KCNT2: variants seen among roughly 807,000 people sequenced by gnomAD.
KCNT2 encodes potassium channel subfamily T member 2.
A neutral mutation model predicts 153.8 loss-of-function variants in KCNT2; 67 were observed. That is an observed-to-expected ratio of 0.44 (90% CI 0.36 to 0.53). KCNT2 has a LOEUF of 0.53. KCNT2 is among the 20% of genes least tolerant of loss of function. The pLI is 0.00. For missense variants in KCNT2, 975 were observed against 1,354.8 expected, an observed-to-expected ratio of 0.72 and a Z score of 4.40; for synonymous variants, 500 against 458.8, an observed-to-expected ratio of 1.09 and a Z score of -1.15.
At chr1:196,379,178 T>C (rs1193893965) in intron 13 of KCNT2, among the ~76,000 whole-genome samples, 10 of 152,216 alleles carry the variant, frequency 6.6e-5, no homozygotes, top group Non-Finnish European at 1.3e-4. Context: ...GCTTTGATTA[T>C]GCAAAGAAGG....
At chr1:196,384,308 G>GC (rs1427003375) in intron 13 of KCNT2, among the ~76,000 whole-genome samples, 3 of 152,076 alleles carry the variant, frequency 2.0e-5, no homozygotes, top group Non-Finnish European at 2.9e-5. Flanking sequence ...ATAGAAATGT[G>GC]CATTTATGTG....
intron 21 of KCNT2, among the ~76,000 whole-genome samples, chr1:196,315,215 T>C (rs1662589279): frequency 6.6e-6 from 1 of 151,684 alleles, no homozygotes; most frequent in Admixed American, 6.6e-5. Context: ...ACTTAAAAAA[T>C]GGTCTTTTGG....
chr1:196,300,523 C>T (rs1661085545), intron 22 of KCNT2, among the ~76,000 whole-genome samples: 1 of 152,090 alleles, frequency 6.6e-6, no homozygotes, highest in African/African-American at 2.4e-5. Context: ...AGGGCTCCCC[C>T]TCTACTCAGA....
intron 1 of KCNT2, among the ~76,000 whole-genome samples, chr1:196,509,607 G>C (rs1270877814): frequency 6.6e-6 from 1 of 152,108 alleles, no homozygotes; most frequent in East Asian, 1.9e-4. Context: ...GCCAAAACAA[G>C]GATAGAAATT....
intron 22 of KCNT2, among the ~76,000 whole-genome samples, chr1:196,286,482 T>G (rs543659056): frequency 6.6e-6 from 1 of 152,202 alleles, no homozygotes; most frequent in Admixed American, 6.5e-5. Flanking sequence ...CAGTACTTTG[T>G]TCTAGTAGCC....
chr1:196,312,393 A>AAAAT (rs1290058768), intron 21 of KCNT2, among the ~76,000 whole-genome samples: 2 of 151,808 alleles, frequency 1.3e-5, no homozygotes, highest in African/African-American at 2.4e-5. Context: ...CTCCGCGAGA[A>AAAAT]AAATAAATAA....
intron 1 of KCNT2, among the ~76,000 whole-genome samples, chr1:196,578,632 C>A (rs1051660069): frequency 1.3e-5 from 2 of 152,068 alleles, no homozygotes; most frequent in African/African-American, 2.4e-5. Flanking sequence ...ATGAAGAATT[C>A]TTTTACAATT....
At chr1:196,483,618 T>A (rs1208722017) in intron 3 of KCNT2, among the ~76,000 whole-genome samples, 1 of 152,172 alleles carries the variant, frequency 6.6e-6, no homozygotes, top group Non-Finnish European at 1.5e-5. Context: ...ATCCTAGAAG[T>A]CTCAGCTCAA....
At chr1:196,307,410 G>A (rs1661735059) in intron 21 of KCNT2, among the ~76,000 whole-genome samples, 1 of 151,988 alleles carries the variant, frequency 6.6e-6, no homozygotes, top group Admixed American at 6.6e-5. Context: ...TTTAAACTCA[G>A]AATCATTCTC....
chr1:196,496,240 C>T (rs897138725), intron 1 of KCNT2, among the ~76,000 whole-genome samples: 13 of 151,970 alleles, frequency 8.6e-5, no homozygotes, highest in African/African-American at 2.2e-4. Flanking sequence ...GAGGCCGAGG[C>T]GGGTGGATCA....
intron 25 of KCNT2, among the ~76,000 whole-genome samples, chr1:196,276,592 G>T (rs1283416662): frequency 4.0e-5 from 6 of 151,692 alleles, no homozygotes; most frequent in Admixed American, 3.9e-4. Flanking sequence ...AAAACGTCTG[G>T]TTTCCTGCAG....
At chr1:196,236,532 AG>A (rs1397566544) in intron 26 of KCNT2, among the ~76,000 whole-genome samples, 1 of 151,502 alleles carries the variant, frequency 6.6e-6, no homozygotes, top group Admixed American at 6.6e-5. Flanking sequence ...GTGTCTAAAA[AG>A]CTTGAAGACC....
At chr1:196,415,295 G>A (rs916431632) in intron 12 of KCNT2, among the ~76,000 whole-genome samples, 2 of 151,766 alleles carry the variant, frequency 1.3e-5, no homozygotes, top group Admixed American at 6.6e-5. Flanking sequence ...GAGGAGGAGT[G>A]TCCTTTGAGA....
chr1:196,313,535 A>G (rs937650763), intron 21 of KCNT2, among the ~76,000 whole-genome samples: 1 of 151,600 alleles, frequency 6.6e-6, no homozygotes, highest in Non-Finnish European at 1.5e-5. Flanking sequence ...GCAACTCCCA[A>G]GTCTGTGTGA....
intron 14 of KCNT2, among the ~76,000 whole-genome samples, chr1:196,360,785 C>G (rs774072801): frequency 6.6e-6 from 1 of 151,970 alleles, no homozygotes; most frequent in Non-Finnish European, 1.5e-5. Context: ...CTCCTAGCCT[C>G]CAGAACTGTG....
intron 1 of KCNT2, among the ~76,000 whole-genome samples, chr1:196,528,409 A>C (rs1239907577): frequency 6.6e-6 from 1 of 152,160 alleles, no homozygotes; most frequent in African/African-American, 2.4e-5. Context: ...CATTGAAAAA[A>C]TAAATTATGT....
intron 1 of KCNT2, among the ~76,000 whole-genome samples, chr1:196,572,893 A>C (rs1364656905): frequency 6.6e-6 from 1 of 152,062 alleles, no homozygotes; most frequent in Non-Finnish European, 1.5e-5. Flanking sequence ...CTTCTCAGAA[A>C]ACTTTAATGA....
Position 196,282,282 on chromosome 1 carries a change from A to G in KCNT2, c.2772T>C (p.Phe924=). 1 of 1,584,812 alleles carries G rather than the reference A, an allele frequency of 6.3e-7. No homozygotes were observed. The highest frequency in any genetic ancestry group is 8.7e-7 in the Non-Finnish European group (1 of 1,154,716). ...GAGATTATTAACTTACAGAACAAAG[A>G]AACCCAGATCCTGGTGTAGTGTCCA... The part of the protein sequence containing the change: ...LGLDTTPGSG[F]LCSMKITADD... Residue 924 remains phenylalanine, a synonymous_variant, in exon 24 of 28, where the codon TTT becomes TTC. Coordinates refer to ENST00000294725, the MANE Select transcript of KCNT2 (RefSeq NM_198503.5).
intron 12 of KCNT2, among the ~76,000 whole-genome samples, chr1:196,410,126 C>T (rs992783818): frequency 6.6e-6 from 1 of 151,444 alleles, no homozygotes; most frequent in African/African-American, 2.4e-5. Context: ...AAGTCATTTG[C>T]CCATTTTTTA....
Sources: allele counts gnomAD v4.1 joint callset (sites outside exome capture counted in the v4.1 genomes callset), GRCh38; gene constraint gnomAD v4.1.1; transcripts MANE v1.5; gene names NCBI Gene and HGNC (gene_info 2026-07-23, HGNC 2026-07-21).